Variants in VPS13B observed in about 807,000 individuals in gnomAD.
The protein encoded by VPS13B is vacuolar protein sorting 13 homolog B.
Under a neutral mutation model 426.4 loss-of-function variants are expected in VPS13B, and 285 were observed. The ratio of observed to expected loss-of-function variants is 0.67; its 90% CI spans 0.61 to 0.74. The LOEUF (loss-of-function observed/expected upper bound fraction) is 0.74. Ranked by LOEUF, VPS13B falls within the 30% of genes least tolerant of loss-of-function variation. VPS13B has a pLI of 0.00. For missense variants in VPS13B, 4,537 were observed against 4,782.6 expected (o/e 0.95, Z 1.51); for synonymous variants, 1,676 against 1,676.4 (o/e 1.00, Z 0.01).
intron 36 of VPS13B, among the ~76,000 whole-genome samples, chr8:99,708,856 T>C (rs1435788656): frequency 1.3e-5 from 2 of 151,680 alleles, no homozygotes; most frequent in African/African-American, 4.8e-5. Context: ...TCTCTATATA[T>C]ATATATAGGC....
At chr8:99,648,247 A>G (rs1393397450) in intron 34 of VPS13B, among the ~76,000 whole-genome samples, 3 of 152,214 alleles carry the variant, frequency 2.0e-5, no homozygotes, top group East Asian at 1.9e-4. Context: ...TGTGATAACC[A>G]TACTTATTAA....
chr8:99,402,333 A>C (rs543461784), intron 21 of VPS13B, among the ~76,000 whole-genome samples: 1 of 152,122 alleles, frequency 6.6e-6, no homozygotes, highest in South Asian at 2.1e-4. Context: ...CACTTGCACT[A>C]CACCTGAGGG....
At chr8:99,020,820 A>G (rs958135318) in intron 2 of VPS13B, among the ~76,000 whole-genome samples, 2 of 152,182 alleles carry the variant, frequency 1.3e-5, no homozygotes, top group Non-Finnish European at 2.9e-5. Context: ...TTATGATACT[A>G]TCACACTGTT....
At chr8:99,441,354 T>TG (rs1817667707) in intron 22 of VPS13B, among the ~76,000 whole-genome samples, 1 of 152,120 alleles carries the variant, frequency 6.6e-6, no homozygotes, top group Non-Finnish European at 1.5e-5. Context: ...GAAGAGATGT[T>TG]GCTATTATCT....
At chr8:99,233,611 C>T (rs1260370987) in intron 17 of VPS13B, 3 of 1,191,422 alleles carry the variant, frequency 2.5e-6, no homozygotes, top group Non-Finnish European at 3.8e-6. Flanking sequence ...AGGCCTCACG[C>T]AGCTTCTTCA....
intron 30 of VPS13B, among the ~76,000 whole-genome samples, chr8:99,556,244 G>C (rs1473908297): frequency 6.6e-6 from 1 of 152,068 alleles, no homozygotes; most frequent in Non-Finnish European, 1.5e-5. Context: ...GTAGATTACT[G>C]TAAGTGATAA....
intron 21 of VPS13B, among the ~76,000 whole-genome samples, chr8:99,406,612 G>T (rs1815345003): frequency 6.6e-6 from 1 of 152,048 alleles, no homozygotes; most frequent in South Asian, 2.1e-4. Flanking sequence ...TTAAAATGTT[G>T]AATTATTATA....
chr8:99,482,140 C>T (rs542707842), intron 25 of VPS13B, among the ~76,000 whole-genome samples: 16 of 152,148 alleles, frequency 1.1e-4, no homozygotes, highest in South Asian at 4.1e-4. Flanking sequence ...ACCTCTGTTC[C>T]GCTACACCTT....
At chr8:99,258,566 A>G (rs1055509878) in intron 17 of VPS13B, among the ~76,000 whole-genome samples, 3 of 151,996 alleles carry the variant, frequency 2.0e-5, no homozygotes, top group African/African-American at 7.2e-5. Context: ...ATTTTATCTC[A>G]GCTTTTATCA....
intron 33 of VPS13B, among the ~76,000 whole-genome samples, chr8:99,600,837 A>C (rs1404562960): frequency 6.6e-6 from 1 of 152,118 alleles, no homozygotes; most frequent in Non-Finnish European, 1.5e-5. Context: ...CTATTCCTAA[A>C]CTGGAAGGCC....
intron 17 of VPS13B, among the ~76,000 whole-genome samples, chr8:99,270,483 C>T (rs577243825): frequency 6.6e-6 from 1 of 151,768 alleles, no homozygotes; most frequent in East Asian, 1.9e-4. Context: ...TGATAAGAGT[C>T]TTATATATAA....
intron 17 of VPS13B, among the ~76,000 whole-genome samples, chr8:99,232,715 G>A (rs375754045): frequency 2.0e-5 from 3 of 152,262 alleles, no homozygotes; most frequent in African/African-American, 4.8e-5. Context: ...CTTTGAACAC[G>A]TTCACCTATG....
At chr8:99,680,560 A>C (rs994987263) in intron 35 of VPS13B, among the ~76,000 whole-genome samples, 1 of 152,234 alleles carries the variant, frequency 6.6e-6, no homozygotes, top group African/African-American at 2.4e-5. Flanking sequence ...AGGATCTAAT[A>C]ATTGGCAGGC....
chr8:99,279,242 A>T (rs1395524531), intron 19 of VPS13B, among the ~76,000 whole-genome samples: 2 of 152,126 alleles, frequency 1.3e-5, no homozygotes, highest in Non-Finnish European at 2.9e-5. Flanking sequence ...TGTCTCAAAA[A>T]TAAATAAAAA....
At chr8:99,237,003 A>G (rs1352395365) in intron 17 of VPS13B, among the ~76,000 whole-genome samples, 2 of 152,184 alleles carry the variant, frequency 1.3e-5, no homozygotes, top group South Asian at 2.1e-4. Flanking sequence ...ATGATAGTGA[A>G]TAAGTCTTAC....
intron 16 of VPS13B, among the ~76,000 whole-genome samples, chr8:99,180,127 T>A (rs973755193): frequency 6.6e-6 from 1 of 152,206 alleles, no homozygotes; most frequent in Non-Finnish European, 1.5e-5. Context: ...GAATTGTCTG[T>A]TTTAAATTAA....
chr8:99,670,999 C>T (rs1447882583), intron 35 of VPS13B, among the ~76,000 whole-genome samples: 1 of 152,060 alleles, frequency 6.6e-6, no homozygotes, highest in Non-Finnish European at 1.5e-5. Flanking sequence ...GGATCTATAC[C>T]CATTAGTGGG....
rs1010499809 is a variant in VPS13B at position 99,792,112 on chromosome 8, C to T, written c.7941+7636C>T. On this transcript the variant is annotated intron_variant, in intron 43 of 61. Coordinates refer to ENST00000357162, the MANE Select transcript of VPS13B (RefSeq NM_152564.5). ...AAGTAAACTAACCTGAGCTGCTGCT[C>T]ACCCAGGTATGAGAATTTCCAGTTT... 2.0e-5 allele frequency among the ~76,000 whole-genome samples: 3 copies of T among 152,310 alleles called. No individual in the cohort carries two copies. In the South Asian group the frequency reaches 6.2e-4, roughly 32 times the overall value.
At chr8:99,072,835 A>G (rs1447365652) in intron 3 of VPS13B, among the ~76,000 whole-genome samples, 2 of 152,082 alleles carry the variant, frequency 1.3e-5, no homozygotes, top group Non-Finnish European at 2.9e-5. Flanking sequence ...GTTTCACTGC[A>G]CCATTTATTT....
Sources: gnomAD v4.1 joint callset for allele counts (sites outside exome capture counted in the v4.1 genomes callset) on GRCh38, gnomAD v4.1.1 for gene constraint, MANE v1.5 for transcripts, NCBI Gene and HGNC (gene_info 2026-07-23, HGNC 2026-07-21) for gene names.